The following FKBP15 variants were observed in gnomAD, a reference collection of about 807,000 sequenced individuals.
FKBP15 encodes the protein FKBP prolyl isomerase family member 15.
FKBP15 carries 106 observed loss-of-function variants against 158.1 expected under a neutral mutation model. The observed-to-expected ratio is 0.67, with a 90% CI of 0.57 to 0.79. The LOEUF is 0.79. Ranked by LOEUF, FKBP15 falls within the 30% of genes least tolerant of loss-of-function variation. FKBP15 has a pLI of 0.00. For synonymous variants in FKBP15, 547 were observed against 548.6 expected (o/e 1.00, Z 0.04); for missense variants, 1,287 against 1,479.1 (o/e 0.87, Z 2.13).
chr9:113,196,243 C>CA (rs1355007340), intron 9 of FKBP15, among the ~76,000 whole-genome samples: 2 of 152,238 alleles, frequency 1.3e-5, no homozygotes, highest in East Asian at 3.9e-4. Flanking sequence ...AACGTACACA[C>CA]ACACAATCTT....
intron 1 of FKBP15, 48 bp from the exon 2 acceptor site, chr9:113,211,640 C>A: frequency 7.2e-7 from 1 of 1,395,416 alleles, no homozygotes; most frequent in Non-Finnish European, 9.9e-7. Flanking sequence ...TATCCCAAAC[C>A]TGGAATTATT....
At chr9:113,199,696 G>A in intron 7 of FKBP15, 118 bp downstream of exon 7, 1 of 1,087,060 alleles carries the variant, frequency 9.2e-7, no homozygotes, top group South Asian at 1.7e-5. Flanking sequence ...TCTAAAGTGG[G>A]GATCCTAAAA....
intron 23 of FKBP15, among the ~76,000 whole-genome samples, chr9:113,173,224 T>C (rs1830244494): frequency 1.3e-5 from 2 of 152,200 alleles, no homozygotes; most frequent in African/African-American, 4.8e-5. Context: ...GATCCAATAA[T>C]AATGGGAAAC....
chr9:113,215,579 T>C (rs1475407402), intron 1 of FKBP15, among the ~76,000 whole-genome samples: 2 of 149,358 alleles, frequency 1.3e-5, no homozygotes, highest in Non-Finnish European at 3.0e-5. Context: ...TAAACATATA[T>C]ACATATGTGT....
In FKBP15 at chr9:113,211,530, A is replaced by G. The variant is rs1831005565; in HGVS notation, c.116T>C (p.Phe39Ser). The part of the protein sequence containing the change: ...QAAAGHGNEF[F>S]QYTAPKQPKK... Reference sequence around the variant, plus strand: ...AGGCTGTTTTGGGGCTGTGTACTGGAAAAATTCATTTCCATGGCCAGCAGC... The same window carrying G: ...AGGCTGTTTTGGGGCTGTGTACTGGGAAAATTCATTTCCATGGCCAGCAGC... The change falls in exon 2 of 28, where the codon TTC becomes TCC. Residue 39 changes from phenylalanine (F) to serine (S), a missense_variant. Coordinates refer to ENST00000238256, the MANE Select transcript of FKBP15 (RefSeq NM_015258.2). 1 of 1,609,638 alleles carries G rather than the reference A, an allele frequency of 6.2e-7. No individual in the cohort carries two copies. Among genetic ancestry groups the G allele is most frequent in the Non-Finnish European group, 8.5e-7 (1 of 1,178,120 alleles).
intron 20 of FKBP15, among the ~76,000 whole-genome samples, chr9:113,177,370 A>G (rs1230516620): frequency 6.6e-6 from 1 of 152,234 alleles, no homozygotes; most frequent in African/African-American, 2.4e-5. Context: ...TGAGACTCTT[A>G]TGACTCTTGA....
intron 9 of FKBP15, 86 bp downstream of exon 9, chr9:113,196,846 T>C: frequency 6.8e-7 from 1 of 1,479,976 alleles, no homozygotes; most frequent in Non-Finnish European, 9.1e-7. Context: ...GGTTTTCAAG[T>C]ATCTTCATTT....
rs1432162318 is a variant in FKBP15 at position 113,169,826 on chromosome 9, G to A, written c.2883C>T (p.Ala961=). Residue 961 remains alanine (A), a synonymous_variant, in exon 26 of 28, where the codon GCC becomes GCT. Coordinates refer to ENST00000238256, the MANE Select transcript of FKBP15 (RefSeq NM_015258.2). Reference sequence around the variant, plus strand: ...CTTGAGGCTGCCCAGAACTGGCTGAGGCTGACTGCTCCTGGGAAGGTCTTC... The same window carrying A: ...CTTGAGGCTGCCCAGAACTGGCTGAAGCTGACTGCTCCTGGGAAGGTCTTC... ...RPRRPSQEQS[A]SASSGQPQAP... 6.4e-7 allele frequency: 1 copy of A among 1,563,160 alleles called. No homozygotes were observed. The highest frequency in any genetic ancestry group is 1.4e-5 in the African/African-American group (1 of 73,652).
At position 113,198,798 on chromosome 9, in the gene FKBP15, CT is replaced by C; in HGVS notation, c.717+56del. ...AAAAAGGAATTCCACAAAATTTAAT[CT>C]AAGTTAAACCCACTGCAACTGATAA... On this transcript the variant is annotated intron_variant, in intron 8 of 27. Coordinates refer to ENST00000238256, the MANE Select transcript of FKBP15 (RefSeq NM_015258.2). This position sits in a 1 kb window ranked among gnomAD's most constrained non-coding sequence, Gnocchi z 5.2. 8.9e-7 allele frequency: 1 copy of C among 1,123,784 alleles called. No homozygotes were observed. The highest frequency in any genetic ancestry group is 1.6e-5 in the South Asian group (1 of 64,326). The allele number at this position is 1,123,784 out of a possible 1,614,324, so 69.6% of individuals were successfully genotyped here.
intron 19 of FKBP15, among the ~76,000 whole-genome samples, chr9:113,179,479 T>C (rs1400277356): frequency 6.6e-6 from 1 of 152,012 alleles, no homozygotes; most frequent in African/African-American, 2.4e-5. Context: ...CTGACCAACA[T>C]GGTGAAACTC....
intron 17 of FKBP15, 132 bp from the exon 18 acceptor site, chr9:113,183,977 A>G (rs1462576894): frequency 3.0e-6 from 2 of 676,552 alleles, no homozygotes; most frequent in Non-Finnish European, 5.1e-6. Flanking sequence ...TTATGTCCAC[A>G]TGTATGTTAA....
chr9:113,201,351 A>C (rs1830788371), intron 6 of FKBP15, among the ~76,000 whole-genome samples: 1 of 152,202 alleles, frequency 6.6e-6, no homozygotes. Flanking sequence ...AATGCTCACC[A>C]CGGTATCATT....
chr9:113,200,235 G>T (rs998213865), intron 6 of FKBP15, among the ~76,000 whole-genome samples: 29 of 152,220 alleles, frequency 1.9e-4, no homozygotes, highest in African/African-American at 5.8e-4. Flanking sequence ...CCAAGATGGA[G>T]ATGATGCTTC....
chr9:113,205,374 T>C (rs1376203834), intron 4 of FKBP15, among the ~76,000 whole-genome samples: 1 of 152,146 alleles, frequency 6.6e-6, no homozygotes, highest in African/African-American at 2.4e-5. Context: ...TAGACATCTC[T>C]CCACAGAAAA....
At chr9:113,173,408 A>C (rs765593727) in intron 23 of FKBP15, 45 bp downstream of exon 23, 1 of 1,585,614 alleles carries the variant, frequency 6.3e-7, no homozygotes, top group Non-Finnish European at 8.6e-7. Context: ...CTTGCCTCAA[A>C]TTAACTGGGC....
chr9:113,215,371 T>TAA (rs59050609), intron 1 of FKBP15, among the ~76,000 whole-genome samples: 2,007 of 135,074 alleles, frequency 0.015, 51 homozygotes, highest in South Asian at 0.08. Flanking sequence ...CAAGAAGAGA[T>TAA]AAAAAAAAAA....
At chr9:113,172,074 C>A (rs1830224323) in intron 23 of FKBP15, among the ~76,000 whole-genome samples, 1 of 151,448 alleles carries the variant, frequency 6.6e-6, no homozygotes, top group Admixed American at 6.6e-5. Flanking sequence ...GATCAATTCC[C>A]ACCTATGAGT....
At chr9:113,212,579 T>C (rs1051891384) in intron 1 of FKBP15, among the ~76,000 whole-genome samples, 2 of 152,212 alleles carry the variant, frequency 1.3e-5, no homozygotes, top group Non-Finnish European at 2.9e-5. Flanking sequence ...TAACTTGTTC[T>C]TCTTCAAATT....
chr9:113,167,144 G>C (rs967436838), intron 27 of FKBP15, among the ~76,000 whole-genome samples: 1 of 152,170 alleles, frequency 6.6e-6, no homozygotes, highest in African/African-American at 2.4e-5. Context: ...GTTTTGTCCT[G>C]ACTAAAGTTC....
Sources: allele counts gnomAD v4.1 joint callset (sites outside exome capture counted in the v4.1 genomes callset), GRCh38; gene constraint gnomAD v4.1.1; non-coding constraint Gnocchi (gnomAD v3.1); transcripts MANE v1.5; gene names NCBI Gene and HGNC (gene_info 2026-07-23, HGNC 2026-07-21).